The following CACNG6 variants were observed in gnomAD, a reference collection of about 807,000 sequenced individuals.
CACNG6 encodes the protein calcium voltage-gated channel auxiliary subunit gamma 6, also known as voltage-dependent calcium channel gamma-6 subunit.
CACNG6 carries 21 observed loss-of-function variants against 23.9 expected under a neutral mutation model. That is an observed-to-expected ratio of 0.88 (90% confidence interval 0.62 to 1.26). CACNG6 has a LOEUF of 1.26. CACNG6 is among the 50% of genes most tolerant of loss of function. CACNG6 has a pLI of 0.00. For missense variants in CACNG6, 340 were observed against 352.9 expected (o/e 0.96, Z 0.29); for synonymous variants, 182 against 168.9 (o/e 1.08, Z -0.60).
chr19:54,010,830 C>T (rs139674050), intron 3 of CACNG6, among the ~76,000 whole-genome samples: 2 of 152,162 alleles, frequency 1.3e-5, no homozygotes, highest in African/African-American at 2.4e-5. Context: ...ATCCTTCGTC[C>T]TCGGCGTCCC....
At chr19:54,004,389 G>C (rs1360441070) in intron 3 of CACNG6, among the ~76,000 whole-genome samples, 1 of 124,550 alleles carries the variant, frequency 8.0e-6, no homozygotes, top group Non-Finnish European at 1.7e-5. Context: ...GTGTGTGTGT[G>C]TGTTTAGTAG....
rs78103898 is a variant in CACNG6 at position 53,994,433 on chromosome 19, C to T, written c.331+1225C>T. On this transcript the variant is annotated intron_variant, in intron 1 of 3. Coordinates refer to ENST00000252729, the MANE Select transcript of CACNG6 (RefSeq NM_145814.2). Reference sequence around the variant, plus strand: ...TCCCTGGGCATGGCAGAGAGCTGTTCCATACCTCCCTGACACGCCACGCCA... The same window carrying T: ...TCCCTGGGCATGGCAGAGAGCTGTTTCATACCTCCCTGACACGCCACGCCA... 5.1e-3 allele frequency among the ~76,000 whole-genome samples: 771 copies of T among 152,246 alleles called. 22 individuals are homozygous for T. The East Asian group carries it at 0.057, about 11-fold the overall frequency.
intron 3 of CACNG6, among the ~76,000 whole-genome samples, chr19:54,004,644 G>A (rs1043291406): frequency 2.0e-5 from 3 of 152,094 alleles, no homozygotes; most frequent in Non-Finnish European, 2.9e-5. Context: ...GGCGCCCTGC[G>A]ACTCCCTCTC....
At chr19:54,011,792 A>C (rs2069718110) in intron 3 of CACNG6, among the ~76,000 whole-genome samples, 159 bp from the exon 4 acceptor site, 1 of 144,386 alleles carries the variant, frequency 6.9e-6, no homozygotes, top group Non-Finnish European at 1.5e-5. Flanking sequence ...CAGCTTCCCA[A>C]ATGCTGCCTG....
chr19:54,008,347 C>T (rs538433836), intron 3 of CACNG6, among the ~76,000 whole-genome samples: 10 of 152,140 alleles, frequency 6.6e-5, no homozygotes, highest in Admixed American at 1.3e-4. Flanking sequence ...AGTGAGATTC[C>T]GACTCAAAAC....
intron 3 of CACNG6, among the ~76,000 whole-genome samples, chr19:54,010,040 CTT>C (rs34229634): frequency 1.3e-4 from 16 of 125,320 alleles, no homozygotes; most frequent in Non-Finnish European, 1.4e-4. Flanking sequence ...TCTTTTCTTT[CTT>C]TTTTTTTTTT....
At chr19:54,007,486 C>T (rs1160094661) in intron 3 of CACNG6, among the ~76,000 whole-genome samples, 1 of 152,228 alleles carries the variant, frequency 6.6e-6, no homozygotes, top group African/African-American at 2.4e-5. Flanking sequence ...TTGTCCATCT[C>T]TCCTTCTTGG....
At chr19:54,003,961 A>G (rs1440006504) in intron 3 of CACNG6, among the ~76,000 whole-genome samples, 1 of 152,054 alleles carries the variant, frequency 6.6e-6, no homozygotes, top group African/African-American at 2.4e-5. Flanking sequence ...GGGCTCAAGC[A>G]ATCCTCCCAC....
chr19:54,000,028 C>G (rs754551279), intron 3 of CACNG6, among the ~76,000 whole-genome samples: 15 of 152,058 alleles, frequency 9.9e-5, no homozygotes, highest in Non-Finnish European at 1.8e-4. Context: ...AGCCCAAGGG[C>G]TATAGTAGGT....
At chr19:54,001,054 T>C (rs1379791555) in intron 3 of CACNG6, among the ~76,000 whole-genome samples, 1 of 152,198 alleles carries the variant, frequency 6.6e-6, no homozygotes, top group Non-Finnish European at 1.5e-5. Context: ...AGTGGCACGA[T>C]TTCAGCTCAC....
chr19:54,006,517 CTTTTCTTT>C (rs1271910835), intron 3 of CACNG6, among the ~76,000 whole-genome samples: 2,096 of 107,338 alleles, frequency 0.02, 21 homozygotes, highest in African/African-American at 0.062. Flanking sequence ...TTCCTTCTTT[CTTTTCTTT>C]TTTTTTTTTT....
At chr19:54,002,284 G>GTTTTTTTTTTTTTTTTTTTTTTT (rs139176353) in intron 3 of CACNG6, among the ~76,000 whole-genome samples, 1 of 117,430 alleles carries the variant, frequency 8.5e-6, no homozygotes, top group Non-Finnish European at 1.6e-5. Flanking sequence ...TGTTTTTTTT[G>GTTTTTTTTTTTTTTTTTTTTTTT]TTTTTTTTTT....
intron 3 of CACNG6, among the ~76,000 whole-genome samples, chr19:54,004,900 AAAATAAAT>A (rs57494617): frequency 1.3e-5 from 2 of 151,598 alleles, no homozygotes; most frequent in East Asian, 1.9e-4. Context: ...GAAAATGTTA[AAAATAAAT>A]AAATAAATAA....
chr19:53,991,224 T>G (rs996816376), upstream of CACNG6, among the ~76,000 whole-genome samples: 3 of 148,792 alleles, frequency 2.0e-5, no homozygotes, highest in Non-Finnish European at 3.0e-5. Flanking sequence ...CCTCTACCAC[T>G]CAGAAGTGGG....
intron 3 of CACNG6, among the ~76,000 whole-genome samples, chr19:54,005,751 T>TTAAAATAAAATAAAATAAAATAAAA (rs79507810): frequency 7.1e-6 from 1 of 141,128 alleles, no homozygotes; most frequent in South Asian, 2.4e-4. Context: ...AGACTCCCTC[T>TTAAAATAAAATAAAATAAAATAAAA]TAAAATAAAA....
At chr19:53,999,064 A>G (rs754532900) in intron 2 of CACNG6, among the ~76,000 whole-genome samples, 2 of 151,992 alleles carry the variant, frequency 1.3e-5, no homozygotes, top group Non-Finnish European at 2.9e-5. Context: ...ATTTTTCACC[A>G]TGTTGGCCAG....
chr19:53,992,001 C>A lies in CACNG6; in HGVS notation c.-877C>A, dbSNP rs938937269. 2.6e-5 allele frequency among the ~76,000 whole-genome samples: 4 copies of A among 152,248 alleles called. No individual in the cohort carries two copies. The East Asian group carries it at 7.7e-4, about 29-fold the overall frequency. On this transcript the variant is annotated 5_prime_UTR_variant, in exon 1 of 4. Transcript: ENST00000252729. The surrounding 1 kb of genome is among the most constrained non-coding windows in gnomAD (Gnocchi z 4.1). ...TCTGCCCCAGCCCTCGGGGAGGCCC[C>A]GTAGCCTCCCGCCTCTGGACTCCAC...
chr19:54,009,605 C>A (rs953562709), intron 3 of CACNG6, among the ~76,000 whole-genome samples: 7 of 152,132 alleles, frequency 4.6e-5, no homozygotes, highest in African/African-American at 7.2e-5. Flanking sequence ...CTTCTGCCAT[C>A]ATTTCTACCT....
chr19:53,994,381 C>A (rs1011381764), intron 1 of CACNG6, among the ~76,000 whole-genome samples: 2 of 152,158 alleles, frequency 1.3e-5, no homozygotes. Flanking sequence ...CCCATACTCC[C>A]TCCTTTCCCA....
Sources: gnomAD v4.1 joint callset for allele counts (sites outside exome capture counted in the v4.1 genomes callset) on GRCh38, gnomAD v4.1.1 for gene constraint, Gnocchi (gnomAD v3.1) non-coding constraint, MANE v1.5 for transcripts, NCBI Gene and HGNC (gene_info 2026-07-23, HGNC 2026-07-21) for gene names.